Variants in NRXN3 observed in about 807,000 individuals in gnomAD.
The protein encoded by NRXN3 is neurexin III.
NRXN3 carries 32 observed loss-of-function variants against 137.6 expected under a neutral mutation model. That is an observed-to-expected ratio of 0.23 (90% CI 0.18 to 0.31). NRXN3 has a LOEUF of 0.31. Among genes scored for constraint, NRXN3 ranks in the 10% least tolerant of loss-of-function variants. The probability of loss-of-function intolerance (pLI) is 1.00; values close to 1 mark genes in which losing one functional copy is unlikely to be tolerated. For missense variants in NRXN3, 1,574 were observed against 2,062.5 expected (o/e 0.76, Z 4.59); for synonymous variants, 798 against 784.5 (o/e 1.02, Z -0.29).
intron 1 of NRXN3, among the ~76,000 whole-genome samples, chr14:78,229,739 G>C (rs1485075232): frequency 6.6e-6 from 1 of 152,162 alleles, no homozygotes; most frequent in Non-Finnish European, 1.5e-5. Context: ...CCTGGCCTGG[G>C]AGGGTCTGAA....
chr14:79,117,818 A>T (rs1244729513), intron 15 of NRXN3, among the ~76,000 whole-genome samples: 1 of 152,242 alleles, frequency 6.6e-6, no homozygotes, highest in Admixed American at 6.5e-5. Context: ...TAAGAAAAGA[A>T]AAATAAGAAA....
chr14:79,145,533 C>T (rs1236548575), intron 15 of NRXN3, among the ~76,000 whole-genome samples: 1 of 152,096 alleles, frequency 6.6e-6, no homozygotes, highest in Non-Finnish European at 1.5e-5. Flanking sequence ...GTTGTAGAGC[C>T]TACACAGATA....
At chr14:79,086,454 G>A (rs899887611) in intron 15 of NRXN3, among the ~76,000 whole-genome samples, 1 of 152,098 alleles carries the variant, frequency 6.6e-6, no homozygotes, top group Admixed American at 6.6e-5. Context: ...ACTATATGCT[G>A]GGGGAAAGCT....
chr14:79,166,806 A>G (rs1209658034), intron 15 of NRXN3, among the ~76,000 whole-genome samples: 3 of 151,900 alleles, frequency 2.0e-5, no homozygotes, highest in Non-Finnish European at 4.4e-5. Flanking sequence ...CATCTATCTG[A>G]GATTCCATTT....
intron 16 of NRXN3, among the ~76,000 whole-genome samples, chr14:79,576,572 G>A (rs754192356): frequency 2.0e-5 from 3 of 152,220 alleles, no homozygotes; most frequent in East Asian, 1.9e-4. Flanking sequence ...ATGGGAAGAC[G>A]GGTCTATTTT....
chr14:79,491,693 G>A (rs148764086), intron 16 of NRXN3, among the ~76,000 whole-genome samples: 92 of 152,212 alleles, frequency 6.0e-4, no homozygotes, highest in Non-Finnish European at 1.2e-3. Context: ...GAGAGAGAGA[G>A]AGAATGAATC....
intron 10 of NRXN3, among the ~76,000 whole-genome samples, chr14:78,924,817 C>A (rs1320354688): frequency 1.3e-5 from 2 of 152,090 alleles, no homozygotes; most frequent in African/African-American, 4.8e-5. Context: ...GTACGCAATC[C>A]AAAAGGGATT....
At chr14:78,451,421 T>G (rs1392269910) in intron 4 of NRXN3, among the ~76,000 whole-genome samples, 1 of 152,212 alleles carries the variant, frequency 6.6e-6, no homozygotes, top group Non-Finnish European at 1.5e-5. Context: ...TGTCTGACAC[T>G]TGGTATGTGT....
At chr14:79,600,895 A>G (rs903986940) in intron 16 of NRXN3, among the ~76,000 whole-genome samples, 2 of 151,892 alleles carry the variant, frequency 1.3e-5, no homozygotes, top group African/African-American at 4.8e-5. Flanking sequence ...GAAGGAAGAC[A>G]AGGGAAGGGA....
At chr14:79,673,113 A>G (rs1372657991) in intron 17 of NRXN3, among the ~76,000 whole-genome samples, 1 of 152,062 alleles carries the variant, frequency 6.6e-6, no homozygotes, top group Non-Finnish European at 1.5e-5. Flanking sequence ...AATCCCTGTC[A>G]ATATCCTAGC....
At chr14:79,060,902 G>A (rs529119103) in intron 15 of NRXN3, among the ~76,000 whole-genome samples, 2 of 152,100 alleles carry the variant, frequency 1.3e-5, no homozygotes, top group South Asian at 4.2e-4. Context: ...CTCTCTCAGA[G>A]GACCCTGGGC....
chr14:78,702,112 G>T (rs1185412822), intron 6 of NRXN3, among the ~76,000 whole-genome samples: 1 of 152,090 alleles, frequency 6.6e-6, no homozygotes, highest in Non-Finnish European at 1.5e-5. Flanking sequence ...CCACATTTGT[G>T]CTTGGACTTC....
chr14:78,311,837 TA>T (rs893450732), intron 4 of NRXN3, among the ~76,000 whole-genome samples: 5 of 152,148 alleles, frequency 3.3e-5, no homozygotes, highest in Admixed American at 2.0e-4. Context: ...GGGTTACTTT[TA>T]AAAAATGCTG....
chr14:78,705,649 A>T (rs2098338930), intron 6 of NRXN3, among the ~76,000 whole-genome samples: 1 of 152,142 alleles, frequency 6.6e-6, no homozygotes, highest in African/African-American at 2.4e-5. Flanking sequence ...ATCCCACTTG[A>T]TCTTGACAAC....
rs1045826019 is a variant in NRXN3 at position 78,645,066 on chromosome 14, G to A, written c.758-54G>A. On this transcript the variant is annotated intron_variant, in intron 4 of 20. Transcript: ENST00000335750. The stretch of plus-strand genomic sequence containing the variant: ...TGTGTTCTCTTTGGTATTTGCATAG[G>A]TCTGACTCTTGCCAGACAAGTGCTG... 24 of 1,462,120 alleles carry A rather than the reference G, an allele frequency of 1.6e-5. No homozygotes were observed. The African/African-American group carries it at 1.8e-4, about 11-fold the overall frequency. 90.6% of individuals were successfully genotyped at this position (1,462,120 alleles called of 1,614,324 possible). A position where few individuals can be genotyped will look rare whatever the true frequency, so the allele number is the denominator to read the frequency against.
At chr14:78,976,036 C>T (rs1403250765) in intron 14 of NRXN3, among the ~76,000 whole-genome samples, 1 of 152,062 alleles carries the variant, frequency 6.6e-6, no homozygotes, top group African/African-American at 2.4e-5. Flanking sequence ...ACAGAACATT[C>T]AGAAGTAACT....
At chr14:79,631,505 G>C (rs1427493748) in intron 16 of NRXN3, among the ~76,000 whole-genome samples, 2 of 152,240 alleles carry the variant, frequency 1.3e-5, no homozygotes, top group Non-Finnish European at 2.9e-5. Flanking sequence ...TGGCAGGCAA[G>C]GGTTCGGGCT....
At chr14:78,295,281 A>G (rs1395365452) in intron 3 of NRXN3, among the ~76,000 whole-genome samples, 1 of 152,232 alleles carries the variant, frequency 6.6e-6, no homozygotes, top group Non-Finnish European at 1.5e-5. Context: ...TTTATTGGCT[A>G]TAAAACCAAA....
At chr14:79,708,030 CTT>C (rs1316487328) in intron 19 of NRXN3, among the ~76,000 whole-genome samples, 1 of 147,670 alleles carries the variant, frequency 6.8e-6, no homozygotes, top group African/African-American at 2.4e-5. Context: ...TATCTCCCCT[CTT>C]TGCTGAAAGC....
Sources: gnomAD v4.1 joint callset for allele counts (sites outside exome capture counted in the v4.1 genomes callset) on GRCh38, gnomAD v4.1.1 for gene constraint, MANE v1.5 for transcripts, NCBI Gene and HGNC (gene_info 2026-07-23, HGNC 2026-07-21) for gene names.